Variants in ADARB2 observed in about 807,000 individuals in gnomAD.
The protein encoded by ADARB2 is inactive double-stranded RNA-specific editase B2.
In ADARB2, 25 loss-of-function variants were observed where a neutral mutation model predicts 62.2. The ratio of observed to expected loss-of-function variants is 0.40; its 90% CI spans 0.29 to 0.56. The LOEUF (loss-of-function observed/expected upper bound fraction) is 0.56, where lower values mean the gene tolerates loss of function less well. Ranked by LOEUF, ADARB2 falls within the 20% of genes least tolerant of loss-of-function variation. ADARB2 has a pLI of 0.43. For missense variants in ADARB2, 1,071 were observed against 1,077.4 expected, an observed-to-expected ratio of 0.99 and a Z score of 0.08; for synonymous variants, 572 against 500.8, an observed-to-expected ratio of 1.14 and a Z score of -1.90.
intron 3 of ADARB2, among the ~76,000 whole-genome samples, chr10:1,299,161 C>A (rs1161918136): frequency 2.0e-5 from 3 of 152,022 alleles, no homozygotes; most frequent in African/African-American, 7.2e-5. Flanking sequence ...GCGTAAGTGA[C>A]TAGGAGACCA....
At chr10:1,261,375 A>C (rs1457984247) in intron 4 of ADARB2, among the ~76,000 whole-genome samples, 2 of 147,650 alleles carry the variant, frequency 1.4e-5, no homozygotes, top group Non-Finnish European at 3.0e-5. Context: ...CAACCTACAA[A>C]ATGGGAGAAA....
intron 1 of ADARB2, among the ~76,000 whole-genome samples, chr10:1,621,431 T>G (rs1564349650): frequency 6.6e-6 from 1 of 151,830 alleles, no homozygotes; most frequent in Non-Finnish European, 1.5e-5. Context: ...TTTTTTTTTT[T>G]TTGAGACAGG....
intron 1 of ADARB2, among the ~76,000 whole-genome samples, chr10:1,538,556 T>G (rs1366943617): frequency 6.6e-6 from 1 of 152,182 alleles, no homozygotes; most frequent in Non-Finnish European, 1.5e-5. Flanking sequence ...GACGCACACC[T>G]GACCCAGACC....
intron 1 of ADARB2, among the ~76,000 whole-genome samples, chr10:1,485,898 TG>T (rs1454069476): frequency 2.0e-5 from 3 of 152,216 alleles, no homozygotes; most frequent in Non-Finnish European, 4.4e-5. Context: ...TTACGTCCAA[TG>T]AGAAATAAAA....
At chr10:1,288,987 A>G (rs967922213) in intron 3 of ADARB2, among the ~76,000 whole-genome samples, 1 of 152,178 alleles carries the variant, frequency 6.6e-6, no homozygotes, top group African/African-American at 2.4e-5. Flanking sequence ...GGGGTCGGAC[A>G]TGCCTCATGA....
chr10:1,414,010 G>A (rs1285449654), intron 1 of ADARB2, among the ~76,000 whole-genome samples: 3 of 152,180 alleles, frequency 2.0e-5, no homozygotes, highest in Non-Finnish European at 4.4e-5. Context: ...CACATCAGGG[G>A]CTCTATTCGT....
At chr10:1,730,025 C>A (rs910649471) in intron 1 of ADARB2, among the ~76,000 whole-genome samples, 2 of 152,208 alleles carry the variant, frequency 1.3e-5, no homozygotes, top group Non-Finnish European at 2.9e-5. Context: ...TAAAGGAATT[C>A]TTTCCATTAT....
intron 3 of ADARB2, among the ~76,000 whole-genome samples, chr10:1,324,804 T>C (rs1309186897): frequency 6.6e-6 from 1 of 152,118 alleles, no homozygotes; most frequent in Non-Finnish European, 1.5e-5. Flanking sequence ...GTCCTGACAG[T>C]GCAGGTGGGC....
intron 3 of ADARB2, among the ~76,000 whole-genome samples, chr10:1,338,392 C>A (rs184094734): frequency 6.6e-6 from 1 of 152,082 alleles, no homozygotes; most frequent in East Asian, 1.9e-4. Flanking sequence ...TTTTTGAAAC[C>A]ATTTTTCCCC....
Position 1,363,150 on chromosome 10 carries a change from C to A in ADARB2, c.955G>T (p.Gly319Cys). ...AVSVDGRTFE[G>C]SGRSKKLARG... is the part of the protein sequence containing the mutation. ...GCCAGCTTCTTGCTGCGCCCCGAGC[C>A]CTCGAACGTCCTGCCGTCCACGCTC... Residue 319 changes from glycine to cysteine, a missense_variant, in exon 3 of 10, where the codon GGC (glycine) becomes TGC (cysteine). Physicochemically the swap from Gly to Cys is radical, Grantham distance 159. Transcript: ENST00000381312. 1 of 1,546,904 alleles carries A rather than the reference C, an allele frequency of 6.5e-7. No individual in the cohort carries two copies. The highest frequency in any genetic ancestry group is 8.7e-7 in the Non-Finnish European group (1 of 1,155,810).
At chr10:1,418,366 C>T (rs1832823285) in intron 1 of ADARB2, among the ~76,000 whole-genome samples, 1 of 152,198 alleles carries the variant, frequency 6.6e-6, no homozygotes. Flanking sequence ...CTGTCCCGGG[C>T]AGTCCCATCT....
At chr10:1,429,573 A>G (rs533315905) in intron 1 of ADARB2, among the ~76,000 whole-genome samples, 5 of 152,226 alleles carry the variant, frequency 3.3e-5, no homozygotes, top group Admixed American at 6.5e-5. Context: ...TGGTACACAC[A>G]TGAAGCCTGT....
intron 1 of ADARB2, among the ~76,000 whole-genome samples, chr10:1,564,323 G>A (rs192254854): frequency 6.6e-6 from 1 of 152,254 alleles, no homozygotes; most frequent in East Asian, 1.9e-4. Flanking sequence ...GAAAACCTAG[G>A]CATTACCATT....
At chr10:1,354,493 A>G (rs576848443) in intron 3 of ADARB2, among the ~76,000 whole-genome samples, 15 of 151,192 alleles carry the variant, frequency 9.9e-5, no homozygotes, top group African/African-American at 3.6e-4. Flanking sequence ...GACTCAGCCC[A>G]CCTGCACCCA....
chr10:1,306,065 T>C (rs893681971), intron 3 of ADARB2, among the ~76,000 whole-genome samples: 6 of 152,180 alleles, frequency 3.9e-5, no homozygotes, highest in South Asian at 2.1e-4. Context: ...CCAGTGCAAT[T>C]AGGCAGGAGA....
At position 1,477,012 on chromosome 10, in the gene ADARB2, A is replaced by C. The variant is rs957251929; in HGVS notation, c.101-97852T>G. On this transcript the variant is annotated intron_variant, in intron 1 of 9. Transcript: ENST00000381312. The surrounding 1 kb of genome is among the most constrained non-coding windows in gnomAD (Gnocchi z 4.5). Reference sequence around the variant, plus strand: ...GGTTCCGGATGCTGACCTTGTGGCAAATCATGATGACTCTCCCCAGATCCC... The same window carrying C: ...GGTTCCGGATGCTGACCTTGTGGCACATCATGATGACTCTCCCCAGATCCC... Among the ~76,000 whole-genome samples, 12 of 152,038 alleles carry C rather than the reference A, an allele frequency of 7.9e-5. No individual in the cohort carries two copies. The highest frequency in any genetic ancestry group is 2.9e-4 in the African/African-American group (12 of 41,390).
intron 1 of ADARB2, among the ~76,000 whole-genome samples, chr10:1,672,686 C>T (rs1834405448): frequency 2.2e-5 from 3 of 139,230 alleles, no homozygotes; most frequent in Admixed American, 2.1e-4. Context: ...GCACGCACTT[C>T]CCTTTCCTCC....
intron 1 of ADARB2, among the ~76,000 whole-genome samples, chr10:1,461,078 T>C (rs895130602): frequency 1.4e-4 from 21 of 152,234 alleles, no homozygotes; most frequent in Non-Finnish European, 2.6e-4. Context: ...ATGAGAAAAG[T>C]AGTCAACGCA....
chr10:1,453,180 C>A (rs1190164014), intron 1 of ADARB2, among the ~76,000 whole-genome samples: 1 of 152,242 alleles, frequency 6.6e-6, no homozygotes, highest in Non-Finnish European at 1.5e-5. Flanking sequence ...GACAAGGCAG[C>A]TCTTCCCTGT....
Sources: gnomAD v4.1 joint callset for allele counts (sites outside exome capture counted in the v4.1 genomes callset) on GRCh38, gnomAD v4.1.1 for gene constraint, Gnocchi (gnomAD v3.1) non-coding constraint, MANE v1.5 for transcripts, NCBI Gene and HGNC (gene_info 2026-07-23, HGNC 2026-07-21) for gene names.